DOP1A: variants seen among roughly 807,000 people sequenced by gnomAD.
DOP1A encodes the protein DOP1 leucine zipper like protein A.
Under a neutral mutation model 267.6 loss-of-function variants are expected in DOP1A, and 90 were observed. That is an observed-to-expected ratio of 0.34 (90% CI 0.28 to 0.40). DOP1A has a LOEUF of 0.40. Among genes scored for constraint, DOP1A ranks in the 10% least tolerant of loss-of-function variants. The probability of loss-of-function intolerance (pLI) is 1.00; values close to 1 mark genes in which losing one functional copy is unlikely to be tolerated. For missense variants in DOP1A, 2,437 were observed against 2,900.4 expected (o/e 0.84, Z 3.67); for synonymous variants, 932 against 999.1 (o/e 0.93, Z 1.27).
intron 4 of DOP1A, among the ~76,000 whole-genome samples, chr6:83,105,130 C>CA (rs1773354207): frequency 6.6e-6 from 1 of 152,010 alleles, no homozygotes; most frequent in African/African-American, 2.4e-5. Flanking sequence ...ATATACTCTC[C>CA]AAAAAATAAG....
At chr6:83,159,722 T>C (rs1783786936) in intron 36 of DOP1A, 74 bp from the exon 37 acceptor site, 1 of 1,524,458 alleles carries the variant, frequency 6.6e-7, no homozygotes, top group Non-Finnish European at 9.0e-7. Context: ...TATTAGCTGG[T>C]ACTTTTAGAT....
In DOP1A at chr6:83,130,413, T is replaced by C. The variant is rs778248087; in HGVS notation, c.2616+16T>C. Reference sequence around the variant, plus strand: ...ATTTTTCAAGGTAAATTCTAAGAAATGCATATATGACTATGATGATTACAG... The same window carrying C: ...ATTTTTCAAGGTAAATTCTAAGAAACGCATATATGACTATGATGATTACAG... On this transcript the variant is annotated intron_variant, in intron 17 of 38. Transcript: ENST00000349129. The C allele has an allele frequency of 5.6e-6, 9 of 1,603,534 alleles. No individual in the cohort carries two copies. The highest frequency in any genetic ancestry group is 5.4e-5 in the African/African-American group (4 of 74,612).
At chr6:83,161,463 C>T (rs912433556) in intron 37 of DOP1A, among the ~76,000 whole-genome samples, 16 of 151,754 alleles carry the variant, frequency 1.1e-4, no homozygotes, top group Admixed American at 5.9e-4. Flanking sequence ...CTATAAAGTT[C>T]GAAAGATAGC....
At chr6:83,167,184 C>T (rs1224979946) in intron 38 of DOP1A, 8 of 888,864 alleles carry the variant, frequency 9.0e-6, no homozygotes, top group Non-Finnish European at 9.4e-6. Flanking sequence ...AAGTGAGGAA[C>T]CTTTGTATAT....
chr6:83,137,102 A>C (rs117336243), intron 20 of DOP1A, 71 bp from the exon 21 acceptor site: 1 of 1,373,640 alleles, frequency 7.3e-7, no homozygotes, highest in Admixed American at 2.8e-5. Flanking sequence ...TGATCAGTCT[A>C]CATTTCTACA....
At chr6:83,101,655 T>C (rs1230270477) in intron 4 of DOP1A, among the ~76,000 whole-genome samples, 1 of 152,220 alleles carries the variant, frequency 6.6e-6, no homozygotes, top group Non-Finnish European at 1.5e-5. Flanking sequence ...ACAGAGTTTC[T>C]TAGGGCTCAT....
intron 16 of DOP1A, 111 bp from the exon 17 acceptor site, chr6:83,130,012 A>T: frequency 7.5e-7 from 1 of 1,325,094 alleles, no homozygotes; most frequent in Non-Finnish European, 1.0e-6. Context: ...GGTTTTGTTA[A>T]CAGATCAAGG....
chr6:83,138,632 T>C lies in DOP1A; in HGVS notation c.4590T>C (p.His1530=). The part of the protein sequence containing the change: ...SKCKVQKVIL[H]CLLSSIFSAQ... ...GCAAAGTTCAGAAAGTGATTCTTCA[T>C]TGTTTGCTGTCATCTATCTTTAGTG... Residue 1530 remains histidine, a synonymous_variant, in exon 21 of 39, where the codon CAT becomes CAC. Transcript: ENST00000349129. 6.2e-7 allele frequency: 1 copy of C among 1,613,954 alleles called. No individual in the cohort carries two copies. Among genetic ancestry groups the C allele is most frequent in the Non-Finnish European group, 8.5e-7 (1 of 1,179,936 alleles).
rs1446456078 is a variant in DOP1A, at chr6:83,137,529, G to A, written c.3487G>A (p.Gly1163Ser). The A allele has an allele frequency of 1.1e-5, 18 of 1,613,788 alleles. No individual in the cohort carries two copies. Among genetic ancestry groups the A allele is most frequent in the Non-Finnish European group, 1.4e-5 (16 of 1,179,842 alleles). The change falls in exon 21 of 39, where the codon GGC becomes AGC. Residue 1163 changes from glycine to serine, a missense_variant. By Grantham distance (56) the Gly-to-Ser change is moderately conservative (BLOSUM62 0). Coordinates refer to ENST00000349129, the MANE Select transcript of DOP1A (RefSeq NM_015018.4). ...VFDLICKVVS[G>S]LEVESASVTS... Reference sequence around the variant, plus strand: ...TGACCTGATATGTAAAGTTGTAAGTGGCCTCGAAGTGGAATCTGCATCAGT... The same window carrying A: ...TGACCTGATATGTAAAGTTGTAAGTAGCCTCGAAGTGGAATCTGCATCAGT...
rs531695849 is a variant in DOP1A at position 83,074,287 on chromosome 6, T to TTTTA, written c.-147+6527_-147+6530dup. On this transcript the variant is annotated intron_variant, in intron 1 of 38. Coordinates refer to ENST00000349129, the MANE Select transcript of DOP1A (RefSeq NM_015018.4). ...TGAGACGTAGCACTTAAGATACAGATTTTATTTATTTATTTATTTATTGTT... is the reference window on the plus strand; with the variant it reads ...TGAGACGTAGCACTTAAGATACAGATTTTATTTATTTATTTATTTATTTATTGTT... Among the ~76,000 whole-genome samples, 239 of 152,106 alleles carry TTTTA rather than the reference T, an allele frequency of 1.6e-3. 1 individual carries two copies. Among genetic ancestry groups the TTTTA allele is most frequent in the African/African-American group, 5.4e-3 (222 of 41,470 alleles).
intron 38 of DOP1A, 88 bp downstream of exon 38, chr6:83,163,007 G>A: frequency 7.1e-7 from 1 of 1,407,060 alleles, no homozygotes. Context: ...GGGAAACTGA[G>A]AACGTTATCA....
chr6:83,166,672 T>C, intron 38 of DOP1A: 1 of 1,278,864 alleles, frequency 7.8e-7, no homozygotes. Flanking sequence ...GCAATTACGT[T>C]TGCACCAACC....
At chr6:83,106,546 A>T (rs1241482971) in intron 4 of DOP1A, among the ~76,000 whole-genome samples, 2 of 152,126 alleles carry the variant, frequency 1.3e-5, no homozygotes, top group Non-Finnish European at 2.9e-5. Flanking sequence ...TCAGTGGCTC[A>T]CGCCTGTAAT....
At chr6:83,151,742 A>C in intron 28 of DOP1A, 83 bp downstream of exon 28, 1 of 1,471,942 alleles carries the variant, frequency 6.8e-7, no homozygotes, top group Non-Finnish European at 9.3e-7. Flanking sequence ...AAATAAACTG[A>C]AGTTTCTTTC....
chr6:83,077,705 G>A (rs541260455), intron 1 of DOP1A, among the ~76,000 whole-genome samples: 3 of 152,190 alleles, frequency 2.0e-5, no homozygotes, highest in African/African-American at 7.2e-5. Context: ...TAAACTTCTA[G>A]AAACATGAAG....
At position 83,142,038 on chromosome 6, in the gene DOP1A, A is replaced by G; in HGVS notation, c.5533A>G (p.Arg1845Gly). The G allele has an allele frequency of 6.2e-7, 1 of 1,611,254 alleles. No homozygotes were observed. Reference sequence around the variant, plus strand: ...AAGAAGACAGAATAAAACAACCACCAGGACCAAGGTATGTATTTAGACATT... The same window carrying G: ...AAGAAGACAGAATAAAACAACCACCGGGACCAAGGTATGTATTTAGACATT... ...NERRQNKTTT[R>G]TKVIPAASEE... The change falls in exon 24 of 39, where the codon AGG becomes GGG. Residue 1845 changes from arginine to glycine, a missense_variant. This residue lies in a region of DOP1A where 307 missense variants were observed against 308.6 expected (regional missense o/e 0.99). Transcript: ENST00000349129.
intron 33 of DOP1A, 146 bp downstream of exon 33, chr6:83,154,387 C>G: frequency 2.9e-6 from 2 of 682,038 alleles, no homozygotes; most frequent in South Asian, 3.8e-5. Flanking sequence ...AGGGAAAGCA[C>G]ACTACTTTCT....
At chr6:83,086,895 C>T (rs1344618406) in intron 1 of DOP1A, among the ~76,000 whole-genome samples, 1 of 152,004 alleles carries the variant, frequency 6.6e-6, no homozygotes, top group African/African-American at 2.4e-5. Flanking sequence ...CAAGGAAAGG[C>T]TATGGGTTTT....
chr6:83,090,952 G>A (rs1270007779), intron 1 of DOP1A, among the ~76,000 whole-genome samples: 1 of 152,060 alleles, frequency 6.6e-6, no homozygotes. Flanking sequence ...TTTTCATGCT[G>A]CTGATAAAGA....
Sources: allele counts gnomAD v4.1 joint callset (sites outside exome capture counted in the v4.1 genomes callset), GRCh38; gene constraint gnomAD v4.1.1; regional missense constraint gnomAD v4.1.1; transcripts MANE v1.5; gene names NCBI Gene and HGNC (gene_info 2026-07-23, HGNC 2026-07-21).